Variants in CHRNA3 observed in about 807,000 individuals in gnomAD.
CHRNA3 encodes neuronal acetylcholine receptor subunit alpha-3.
A neutral mutation model predicts 41.9 loss-of-function variants in CHRNA3; 34 were observed. The observed-to-expected ratio is 0.81, with a 90% CI of 0.62 to 1.08. CHRNA3 has a LOEUF of 1.08. CHRNA3 is among the 50% of genes least tolerant of loss of function. The pLI is 0.00. For synonymous variants in CHRNA3, 281 were observed against 265.2 expected, an observed-to-expected ratio of 1.06 and a Z score of -0.58; for missense variants, 542 against 638.3, an observed-to-expected ratio of 0.85 and a Z score of 1.63.
intron 4 of CHRNA3, among the ~76,000 whole-genome samples, chr15:78,603,094 A>G (rs1423151122): frequency 6.6e-6 from 1 of 152,132 alleles, no homozygotes; most frequent in East Asian, 1.9e-4. Context: ...GCTCACTACA[A>G]TCTCTGTCTC....
At chr15:78,614,979 A>C (rs1358181263) in intron 4 of CHRNA3, among the ~76,000 whole-genome samples, 2 of 152,168 alleles carry the variant, frequency 1.3e-5, no homozygotes, top group African/African-American at 4.8e-5. Flanking sequence ...AGGCCTCCCA[A>C]AACTGGCGGG....
chr15:78,608,352 CCT>C (rs1356282221), intron 4 of CHRNA3, among the ~76,000 whole-genome samples: 2 of 152,182 alleles, frequency 1.3e-5, no homozygotes, highest in African/African-American at 4.8e-5. Context: ...GCCGGGTACT[CCT>C]CTGATACAAA....
intron 4 of CHRNA3, among the ~76,000 whole-genome samples, chr15:78,615,495 C>CT (rs1355371311): frequency 6.6e-6 from 1 of 151,740 alleles, no homozygotes; most frequent in East Asian, 2.0e-4. Flanking sequence ...GGCCTCAGTC[C>CT]TCATCTGTGA....
downstream of CHRNA3, chr15:78,595,225 C>T (rs1475241975): frequency 7.7e-6 from 7 of 909,654 alleles, no homozygotes; most frequent in Non-Finnish European, 9.2e-6. Flanking sequence ...TCTTATACTA[C>T]CATTACTGTT....
At chr15:78,599,171 T>G (rs1227305159) in intron 5 of CHRNA3, among the ~76,000 whole-genome samples, 1 of 151,770 alleles carries the variant, frequency 6.6e-6, no homozygotes, top group African/African-American at 2.4e-5. Flanking sequence ...AGAGAAAGGG[T>G]TTCCCTACGT....
chr15:78,602,156 G>A lies in CHRNA3; in HGVS notation c.486C>T (p.Asp162=), dbSNP rs200927324. 9.9e-6 allele frequency: 16 copies of A among 1,614,092 alleles called. No homozygotes were observed. The African/African-American group carries it at 1.6e-4, about 16-fold the overall frequency. The change falls in exon 5 of 6, where the codon GAC becomes GAT. Residue 162 remains aspartate (D), a synonymous_variant. Transcript: ENST00000326828. ...GGTAATCAAACGGGAAGTAGGTCAC[G>A]TCGATTTTACAGGAGCTCTTAAAGA... ...PAIFKSSCKI[D]VTYFPFDYQN... is the part of the protein sequence containing the mutation.
chr15:78,608,104 A>G (rs950086505), intron 4 of CHRNA3, among the ~76,000 whole-genome samples: 1 of 152,250 alleles, frequency 6.6e-6, no homozygotes, highest in Non-Finnish European at 1.5e-5. Context: ...CCACAGCCCA[A>G]GGAGGCCTGC....
chr15:78,603,602 T>A (rs1596075010), intron 4 of CHRNA3, among the ~76,000 whole-genome samples: 1 of 152,170 alleles, frequency 6.6e-6, no homozygotes, highest in Non-Finnish European at 1.5e-5. Flanking sequence ...GCCTAAACAT[T>A]TAGGGATATC....
chr15:78,602,323 G>T (rs529639568), intron 4 of CHRNA3, 59 bp from the exon 5 acceptor site: 3 of 1,534,702 alleles, frequency 2.0e-6, no homozygotes, highest in Non-Finnish European at 2.7e-6. Flanking sequence ...GTCATATTGT[G>T]GTCATCTCAA....
downstream of CHRNA3, chr15:78,594,530 T>TA (rs2053067894): frequency 6.6e-6 from 1 of 152,026 alleles, no homozygotes; most frequent in Non-Finnish European, 1.5e-5. Context: ...TACAAAAAAT[T>TA]AGTCGGGCAT....
Position 78,596,020 on chromosome 15 carries a change from G to A in CHRNA3, c.*584C>T, listed in dbSNP as rs1339880064. ...ACCCAGTTTATGGTGTACTAAGACA[G>A]TTATATTAACAATGAATAACTAGGC... On this transcript the variant is annotated 3_prime_UTR_variant, in exon 6 of 6. Transcript: ENST00000326828. 3.1e-6 allele frequency: 3 copies of A among 963,628 alleles called. No individual in the cohort carries two copies. The African/African-American group carries it at 5.3e-5, about 17-fold the overall frequency. 59.7% of individuals were successfully genotyped at this position (963,628 alleles called of 1,614,324 possible).
chr15:78,593,136 G>A (rs770658199), downstream of CHRNA3: 10 of 1,613,444 alleles, frequency 6.2e-6, no homozygotes, highest in East Asian at 2.2e-4. Context: ...TTGATCGGAT[G>A]TTTCTGTGGA....
Position 78,618,578 on chromosome 15 carries a change from C to T in CHRNA3, c.267+39G>A, listed in dbSNP as rs756941152. 18 of 1,612,948 alleles carry T rather than the reference C, an allele frequency of 1.1e-5. 1 individual carries two copies. In the South Asian group the frequency reaches 1.4e-4, roughly 13 times the overall value. On this transcript the variant is annotated intron_variant, in intron 3 of 5. Coordinates refer to ENST00000326828, the MANE Select transcript of CHRNA3 (RefSeq NM_000743.5). ...TCACCTAAAGCAAATAAAACAGTCA[C>T]CACCAGGGGGCAGCAGTGCCTAGGG...
intron 1 of CHRNA3, 31 bp downstream of exon 1, chr15:78,620,682 C>T (rs1338358835): frequency 6.7e-7 from 1 of 1,500,254 alleles, no homozygotes; most frequent in Non-Finnish European, 8.8e-7. Flanking sequence ...GGGCGCCCGT[C>T]CCTCCGGAGC....
At chr15:78,618,504 C>A in intron 3 of CHRNA3, 113 bp downstream of exon 3, 1 of 1,221,398 alleles carries the variant, frequency 8.2e-7, no homozygotes, top group Non-Finnish European at 1.2e-6. Flanking sequence ...GGACCCCAAT[C>A]TGGGTTCCAC....
At position 78,620,745 on chromosome 15, in the gene CHRNA3, AG is replaced by A; in HGVS notation, c.49del (p.Leu17CysfsTer37). Reference protein sequence around the residue: ...SLPLALSPPRLLLLLLLSLLP... With the variant: ...SLPLALSPPRXLLLLLLSLLP... ...CAGAGACAGCAGCAGCAGCAGCAGCAGCCGCGGCGGCGACAGCGCCAGGGGC... is the reference window on the plus strand; with the variant it reads ...CAGAGACAGCAGCAGCAGCAGCAGCACCGCGGCGGCGACAGCGCCAGGGGC... On this transcript the variant is annotated frameshift_variant, in exon 1 of 6. Coordinates refer to ENST00000326828, the MANE Select transcript of CHRNA3 (RefSeq NM_000743.5). LOFTEE classifies it high-confidence loss of function. 1 of 1,365,782 alleles carries A rather than the reference AG, an allele frequency of 7.3e-7. No individual in the cohort carries two copies. The highest frequency in any genetic ancestry group is 1.3e-5 in the South Asian group (1 of 76,494). The allele number at this position is 1,365,782 out of a possible 1,614,324, so 84.6% of individuals were successfully genotyped here.
At chr15:78,593,375 T>C, downstream of CHRNA3, 2 of 948,826 alleles carry the variant, frequency 2.1e-6, no homozygotes, top group Non-Finnish European at 3.0e-6. Flanking sequence ...ACTAAGTTGC[T>C]AACCTCAATT....
intron 5 of CHRNA3, among the ~76,000 whole-genome samples, chr15:78,600,856 G>A (rs2053186527): frequency 6.6e-6 from 1 of 152,054 alleles, no homozygotes; most frequent in South Asian, 2.1e-4. Flanking sequence ...CAACAGAGCA[G>A]GACCCTGTCT....
At chr15:78,606,381 C>T (rs12914385) in intron 4 of CHRNA3, among the ~76,000 whole-genome samples, 46,045 of 148,198 alleles carry the variant, frequency 0.31, 7,838 homozygotes, top group Middle Eastern at 0.42. Context: ...TTAACACACA[C>T]GCAGATAACA....
Sources: gnomAD v4.1 joint callset for allele counts (sites outside exome capture counted in the v4.1 genomes callset) on GRCh38, gnomAD v4.1.1 for gene constraint, MANE v1.5 for transcripts, NCBI Gene and HGNC (gene_info 2026-07-23, HGNC 2026-07-21) for gene names.